PWWP3A: variants seen among roughly 807,000 people sequenced by gnomAD.
PWWP3A encodes PWWP domain-containing DNA repair factor 3A.
A neutral mutation model predicts 79.0 loss-of-function variants in PWWP3A; 53 were observed. The observed-to-expected ratio is 0.67, with a 90% CI of 0.54 to 0.84. The LOEUF (loss-of-function observed/expected upper bound fraction) is 0.84. Among genes scored for constraint, PWWP3A ranks in the 40% least tolerant of loss-of-function variants. The probability of loss-of-function intolerance (pLI) is 0.00; values close to 1 mark genes in which losing one functional copy is unlikely to be tolerated. For synonymous variants in PWWP3A, 443 were observed against 394.4 expected, an observed-to-expected ratio of 1.12 and a Z score of -1.46; for missense variants, 973 against 948.0, an observed-to-expected ratio of 1.03 and a Z score of -0.35.
At chr19:1,358,679 T>G in intron 4 of PWWP3A, 1 of 1,524,964 alleles carries the variant, frequency 6.6e-7, no homozygotes, top group Non-Finnish European at 8.8e-7. Flanking sequence ...ACTCCTATTC[T>G]TGACGCCCAG....
chr19:1,367,246 C>G, intron 9 of PWWP3A, 26 bp downstream of exon 9: 1 of 1,593,778 alleles, frequency 6.3e-7, no homozygotes, highest in Non-Finnish European at 8.6e-7. Flanking sequence ...TTTGTGCTTG[C>G]TTTAAATGGT....
At chr19:1,371,146 G>A (rs573865673) in intron 12 of PWWP3A, 68 bp downstream of exon 12, 62 of 1,519,732 alleles carry the variant, frequency 4.1e-5, no homozygotes, top group African/African-American at 9.6e-5. Flanking sequence ...AACTCCGCAC[G>A]AGGAGGCTGC....
intron 7 of PWWP3A, among the ~76,000 whole-genome samples, chr19:1,365,493 C>G (rs960966289): frequency 3.9e-5 from 6 of 152,274 alleles, no homozygotes; most frequent in Non-Finnish European, 5.9e-5. Flanking sequence ...CTCGAGTCAC[C>G]CAGGCTCCTT....
rs563759547 is a variant in PWWP3A at position 1,368,559 on chromosome 19, C to T, written c.1423-706C>T. Among the ~76,000 whole-genome samples the T allele has an allele frequency of 1.3e-5, 2 of 152,250 alleles. No homozygotes were observed. The highest frequency in any genetic ancestry group is 3.9e-4 in the East Asian group (2 of 5,172). On this transcript the variant is annotated intron_variant, in intron 9 of 13. Coordinates refer to ENST00000591337, the MANE Select transcript of PWWP3A (RefSeq NM_001369789.1). The surrounding 1 kb of genome is among the most constrained non-coding windows in gnomAD (Gnocchi z 4.7). ...ATGTGCTTATGGGGTGCCCCCGTAC[C>T]CCTAGTGGCCCTCGGCTCCAGAGTC...
chr19:1,364,798 A>G (rs2082093540), intron 7 of PWWP3A, among the ~76,000 whole-genome samples: 1 of 152,194 alleles, frequency 6.6e-6, no homozygotes, highest in South Asian at 2.1e-4. Context: ...CATTTTCACC[A>G]AGCAGGCTTA....
chr19:1,370,374 C>T (rs2082225199), intron 11 of PWWP3A, among the ~76,000 whole-genome samples: 1 of 152,238 alleles, frequency 6.6e-6, no homozygotes, highest in African/African-American at 2.4e-5. Context: ...ATTGATTCTG[C>T]TTGGGCAGTG....
chr19:1,374,454 G>T (rs1438930690), intron 13 of PWWP3A: 3 of 152,208 alleles, frequency 2.0e-5, no homozygotes. Flanking sequence ...TCTCCCCGCC[G>T]CACGGCGTTT....
At chr19:1,356,904 G>GT in intron 2 of PWWP3A, 105 bp from the exon 3 acceptor site, 1 of 832,514 alleles carries the variant, frequency 1.2e-6, no homozygotes, top group Non-Finnish European at 1.9e-6. Flanking sequence ...AAATCCCATG[G>GT]TTATAGGCCT....
intron 2 of PWWP3A, 45 bp downstream of exon 2, chr19:1,356,494 C>A: frequency 1.3e-6 from 2 of 1,586,888 alleles, no homozygotes; most frequent in South Asian, 1.1e-5. Context: ...AAATGACTTT[C>A]GGGTGACAAG....
chr19:1,371,250 T>C (rs1328213116), intron 12 of PWWP3A, 172 bp downstream of exon 12: 2 of 784,908 alleles, frequency 2.5e-6, no homozygotes, highest in Admixed American at 2.0e-5. Context: ...GAAATGCGAG[T>C]GCGTGCGCTT....
At position 1,360,719 on chromosome 19, in the gene PWWP3A, C is replaced by T; in HGVS notation, c.798C>T (p.Ala266=). 1 of 1,613,386 alleles carries T rather than the reference C, an allele frequency of 6.2e-7. No individual in the cohort carries two copies. The highest frequency in any genetic ancestry group is 8.5e-7 in the Non-Finnish European group (1 of 1,179,916). The change falls in exon 5 of 14, where the codon GCC becomes GCT. Residue 266 remains alanine, a synonymous_variant. Coordinates refer to ENST00000591337, the MANE Select transcript of PWWP3A (RefSeq NM_001369789.1). The surrounding 1 kb of genome is among the most constrained non-coding windows in gnomAD (Gnocchi z 4.4). The stretch of plus-strand genomic sequence containing the variant: ...GGGTCAGGGAGGACGATCCCTGTGC[C>T]AACGCTGAGGGACACGACCCCGGTC... ...PSGVREDDPC[A]NAEGHDPGLP...
intron 13 of PWWP3A, 136 bp from the exon 14 acceptor site, chr19:1,376,383 T>C: frequency 1.8e-6 from 1 of 554,938 alleles, no homozygotes; most frequent in Non-Finnish European, 3.3e-6. Context: ...CCTGATCTCC[T>C]GACCTTGTGA....
intron 12 of PWWP3A, chr19:1,372,854 C>A: frequency 1.9e-6 from 1 of 528,010 alleles, no homozygotes; most frequent in South Asian, 2.8e-5. Context: ...GTGATCTGAG[C>A]TATTGTGTCT....
intron 5 of PWWP3A, chr19:1,361,891 C>T: frequency 4.5e-6 from 1 of 221,882 alleles, no homozygotes; most frequent in Admixed American, 5.2e-5. Context: ...GGCCCCCTCC[C>T]TGCATATCCA....
intron 13 of PWWP3A, among the ~76,000 whole-genome samples, chr19:1,376,060 C>T (rs4807905): frequency 0.099 from 14,860 of 150,276 alleles, 830 homozygotes; most frequent in Admixed American, 0.17. Flanking sequence ...CCACCCACCT[C>T]GGCCTCCCAA....
intron 12 of PWWP3A, 81 bp downstream of exon 12, chr19:1,371,159 C>G (rs563383470): frequency 6.8e-7 from 1 of 1,471,852 alleles, no homozygotes; most frequent in African/African-American, 1.4e-5. Context: ...GAGGCTGCCA[C>G]GGTCCTCGCC....
chr19:1,373,110 C>T lies in PWWP3A; in HGVS notation c.2025C>T (p.Asp675=). ...ICAISAVDEV[D]YKTAEEKYIK... Reference sequence around the variant, plus strand: ...CGATCTCTGCGGTGGACGAGGTGGACTACAAGACGGCTGAGGAGAAGTACA... The same window carrying T: ...CGATCTCTGCGGTGGACGAGGTGGATTACAAGACGGCTGAGGAGAAGTACA... Residue 675 remains aspartate (D), a synonymous_variant, in exon 13 of 14, where the codon GAC becomes GAT. Transcript: ENST00000591337. 6.2e-7 allele frequency: 1 copy of T among 1,614,244 alleles called. No homozygotes were observed. Among genetic ancestry groups the T allele is most frequent in the Non-Finnish European group, 8.5e-7 (1 of 1,180,040 alleles).
In PWWP3A at chr19:1,377,541, G is replaced by C. The variant is rs1405476448; in HGVS notation, c.*965G>C. ...AGCGGCTTCCGGGGTGTGGCTGCCG[G>C]GTCGGCTCTGGTCCACAGCACGGTG... On this transcript the variant is annotated 3_prime_UTR_variant, in exon 14 of 14. Coordinates refer to ENST00000591337, the MANE Select transcript of PWWP3A (RefSeq NM_001369789.1). 6.6e-6 allele frequency: 1 copy of C among 152,430 alleles called. No homozygotes were observed. Among genetic ancestry groups the C allele is most frequent in the African/African-American group, 2.4e-5 (1 of 41,468 alleles). 9.4% of individuals were successfully genotyped at this position (152,430 alleles called of 1,614,324 possible).
In PWWP3A at chr19:1,376,632, G is replaced by A. The variant is rs2082409376; in HGVS notation, c.*56G>A. ...CTGGCGGTGGAAGCGCCTCCAGTGT[G>A]CATGAGCGTGTCTGAAGATGGGGGG... On this transcript the variant is annotated 3_prime_UTR_variant, in exon 14 of 14. Transcript: ENST00000591337. 4 of 1,574,676 alleles carry A rather than the reference G, an allele frequency of 2.5e-6. No homozygotes were observed. Among genetic ancestry groups the A allele is most frequent in the South Asian group, 2.2e-5 (2 of 89,356 alleles).
Sources: gnomAD v4.1 joint callset for allele counts (sites outside exome capture counted in the v4.1 genomes callset) on GRCh38, gnomAD v4.1.1 for gene constraint, Gnocchi (gnomAD v3.1) non-coding constraint, MANE v1.5 for transcripts, NCBI Gene and HGNC (gene_info 2026-07-23, HGNC 2026-07-21) for gene names.